Variants in DLGAP2 observed in about 807,000 individuals in gnomAD.
DLGAP2 encodes the protein disks large-associated protein 2.
Under a neutral mutation model 100.3 loss-of-function variants are expected in DLGAP2, and 26 were observed. The ratio of observed to expected loss-of-function variants is 0.26; its 90% CI spans 0.19 to 0.36. DLGAP2 has a LOEUF of 0.36. DLGAP2 is among the 10% of genes least tolerant of loss of function. DLGAP2 has a pLI of 1.00. For missense variants in DLGAP2, 1,858 were observed against 1,453.2 expected (o/e 1.28, Z -4.53); for synonymous variants, 886 against 630.1 (o/e 1.41, Z -6.08).
chr8:1,329,687 A>G (rs1420340263), intron 3 of DLGAP2, among the ~76,000 whole-genome samples: 1 of 152,124 alleles, frequency 6.6e-6, no homozygotes, highest in Non-Finnish European at 1.5e-5. Context: ...ATGGGGGTGA[A>G]TGAAGATGAG....
chr8:758,733 TG>T lies in DLGAP2; in HGVS notation c.18+20909del, dbSNP rs546614213. 2.6e-5 allele frequency among the ~76,000 whole-genome samples: 4 copies of T among 152,190 alleles called. 1 individual carries two copies. In the South Asian group the frequency reaches 8.3e-4, roughly 32 times the overall value. On this transcript the variant is annotated intron_variant, in intron 1 of 14. Coordinates refer to ENST00000637795, the MANE Select transcript of DLGAP2 (RefSeq NM_001346810.2). The stretch of plus-strand genomic sequence containing the variant: ...TGCACCACCACACCTGGCTAATTTT[TG>T]TATTTTTTGTAGAAATGTGGTCTTG...
intron 2 of DLGAP2, among the ~76,000 whole-genome samples, chr8:987,008 A>C (rs550928470): frequency 2.0e-5 from 3 of 152,332 alleles, no homozygotes; most frequent in Admixed American, 2.0e-4. Flanking sequence ...AGTAATCCAC[A>C]AGGAGGAAGT....
At chr8:1,297,693 GAC>G (rs1800218607) in intron 3 of DLGAP2, among the ~76,000 whole-genome samples, 2 of 131,790 alleles carry the variant, frequency 1.5e-5, no homozygotes, top group Non-Finnish European at 3.2e-5. Flanking sequence ...GGCGTGAACA[GAC>G]ACCACGTGAG....
intron 3 of DLGAP2, among the ~76,000 whole-genome samples, chr8:1,388,094 G>C (rs1470558455): frequency 1.3e-5 from 2 of 151,148 alleles, no homozygotes; most frequent in Admixed American, 6.6e-5. Context: ...GGCTGTGAGA[G>C]CAGAGGCCGT....
At chr8:1,386,897 AT>A (rs1423052082) in intron 3 of DLGAP2, among the ~76,000 whole-genome samples, 1 of 152,254 alleles carries the variant, frequency 6.6e-6, no homozygotes, top group Non-Finnish European at 1.5e-5. Context: ...AATTATGCAC[AT>A]TAAAAAGTAA....
At chr8:1,068,678 G>A (rs996738028) in intron 2 of DLGAP2, among the ~76,000 whole-genome samples, 1 of 152,040 alleles carries the variant, frequency 6.6e-6, no homozygotes, top group African/African-American at 2.4e-5. Flanking sequence ...TGCACAGCAG[G>A]GGCTCAGCGC....
intron 8 of DLGAP2, among the ~76,000 whole-genome samples, chr8:1,667,841 C>T (rs1798583828): frequency 6.6e-6 from 1 of 152,218 alleles, no homozygotes; most frequent in African/African-American, 2.4e-5. Context: ...TGCGGGGACA[C>T]ACCTTGCCTA....
chr8:795,438 G>A (rs1164521040), intron 1 of DLGAP2, among the ~76,000 whole-genome samples: 1 of 152,094 alleles, frequency 6.6e-6, no homozygotes, highest in Non-Finnish European at 1.5e-5. Context: ...CCAAGCTTGG[G>A]GCCATTTTAA....
intron 1 of DLGAP2, among the ~76,000 whole-genome samples, chr8:776,644 A>G (rs575185309): frequency 3.7e-4 from 56 of 152,240 alleles, no homozygotes; most frequent in Middle Eastern, 3.4e-3. Flanking sequence ...TTCAGTTTCC[A>G]TGTAGCTGAG....
intron 2 of DLGAP2, among the ~76,000 whole-genome samples, chr8:1,167,569 G>C (rs1427976161): frequency 1.3e-5 from 2 of 152,178 alleles, no homozygotes; most frequent in African/African-American, 2.4e-5. Context: ...TTAATCAGAT[G>C]ATCATAAGTG....
chr8:1,123,924 C>A (rs1796106816), intron 2 of DLGAP2, among the ~76,000 whole-genome samples: 1 of 152,118 alleles, frequency 6.6e-6, no homozygotes, highest in South Asian at 2.1e-4. Flanking sequence ...AGAACATGGT[C>A]TAATTGACAG....
chr8:830,870 C>T (rs888664335), intron 1 of DLGAP2, among the ~76,000 whole-genome samples: 1 of 148,318 alleles, frequency 6.7e-6, no homozygotes, highest in Non-Finnish European at 1.5e-5. Flanking sequence ...TGCCAACAAA[C>T]CCTATGTAAA....
At chr8:1,094,224 G>A (rs1474804530) in intron 2 of DLGAP2, among the ~76,000 whole-genome samples, 2 of 152,216 alleles carry the variant, frequency 1.3e-5, no homozygotes, top group South Asian at 4.1e-4. Flanking sequence ...GGACGGTAGA[G>A]CTGGGAGGTT....
At chr8:1,006,231 C>T (rs1033722834) in intron 2 of DLGAP2, among the ~76,000 whole-genome samples, 2 of 152,152 alleles carry the variant, frequency 1.3e-5, no homozygotes, top group African/African-American at 4.8e-5. Context: ...TCCCCCAACC[C>T]CTGAAAAAGA....
chr8:1,155,854 G>A (rs963755087), intron 2 of DLGAP2, among the ~76,000 whole-genome samples: 9 of 152,172 alleles, frequency 5.9e-5, no homozygotes, highest in Admixed American at 1.3e-4. Context: ...CGTGTGTGGA[G>A]AGGAAGATGA....
chr8:1,276,972 T>A (rs1301021239), intron 3 of DLGAP2, among the ~76,000 whole-genome samples: 1 of 152,230 alleles, frequency 6.6e-6, no homozygotes, highest in Non-Finnish European at 1.5e-5. Flanking sequence ...ATATCATTTT[T>A]AGTGGTTGCA....
At position 960,275 on chromosome 8, in the gene DLGAP2, G is replaced by A. The variant is rs543365466; in HGVS notation, c.73+52309G>A. ...TTTCCCGAGACACTCTCACGCTGTC[G>A]TCCATGCTGGAGTGAAGTGGCACAA... On this transcript the variant is annotated intron_variant, in intron 2 of 14. Transcript: ENST00000637795. Among the ~76,000 whole-genome samples the A allele has an allele frequency of 1.5e-3, 104 of 68,632 alleles. 1 individual carries two copies. Among genetic ancestry groups the A allele is most frequent in the Non-Finnish European group, 2.0e-3 (79 of 40,080 alleles). 45.0% of individuals were successfully genotyped at this position (68,632 alleles called of 152,430 possible).
chr8:1,151,134 C>A (rs747533451), intron 2 of DLGAP2, among the ~76,000 whole-genome samples: 7 of 152,102 alleles, frequency 4.6e-5, no homozygotes, highest in Non-Finnish European at 1.0e-4. Context: ...TGGCTTCTAT[C>A]TCATGGATGC....
At chr8:913,823 C>T (rs566638534) in intron 2 of DLGAP2, among the ~76,000 whole-genome samples, 21 of 152,304 alleles carry the variant, frequency 1.4e-4, no homozygotes, top group African/African-American at 2.4e-4. Context: ...TGTGACTTTC[C>T]GGTCTCATAT....
Sources: gnomAD v4.1 joint callset for allele counts (sites outside exome capture counted in the v4.1 genomes callset) on GRCh38, gnomAD v4.1.1 for gene constraint, MANE v1.5 for transcripts, NCBI Gene and HGNC (gene_info 2026-07-23, HGNC 2026-07-21) for gene names.